Variants in UNC93A observed in about 807,000 individuals in gnomAD.
The protein encoded by UNC93A is N-acetylglucosamine transporter UNC93A.
In UNC93A, 43 loss-of-function variants were observed where a neutral mutation model predicts 47.5. The ratio of observed to expected loss-of-function variants is 0.91; its 90% CI spans 0.71 to 1.17. The LOEUF (loss-of-function observed/expected upper bound fraction) is 1.17, where lower values mean the gene tolerates loss of function less well. Ranked by LOEUF, UNC93A falls within the 50% of genes most tolerant of loss-of-function variation. The pLI is 0.00. For missense variants in UNC93A, 605 were observed against 577.6 expected, an observed-to-expected ratio of 1.05 and a Z score of -0.49; for synonymous variants, 280 against 258.0, an observed-to-expected ratio of 1.09 and a Z score of -0.82.
exon 1 of UNC93A, chr6:167,271,216 G>T (rs998368022): frequency 2.0e-5 from 3 of 151,166 alleles, no homozygotes; most frequent in African/African-American, 7.4e-5. Context: ...CTCAACAGGA[G>T]GCCTGAAGGA....
intron 4 of UNC93A, among the ~76,000 whole-genome samples, chr6:167,302,659 T>G (rs570772866): frequency 6.6e-6 from 1 of 152,298 alleles, no homozygotes; most frequent in Non-Finnish European, 1.5e-5. Flanking sequence ...GATGGAGATT[T>G]AGTCATATTT....
intron 4 of UNC93A, among the ~76,000 whole-genome samples, chr6:167,302,651 T>C (rs551776062): frequency 2.0e-5 from 3 of 152,286 alleles, no homozygotes; most frequent in African/African-American, 4.8e-5. Flanking sequence ...GGTGGGCAGA[T>C]GGAGATTTAG....
intron 1 of UNC93A, among the ~76,000 whole-genome samples, chr6:167,278,788 G>C (rs1267906289): frequency 1.3e-5 from 2 of 152,168 alleles, no homozygotes; most frequent in African/African-American, 4.8e-5. Context: ...GGGTGGCACT[G>C]TGTGGAAGCC....
At position 167,294,488 on chromosome 6, in the gene UNC93A, C is replaced by T. The variant is rs758076863; in HGVS notation, c.88-29C>T. ...CTCATCCCGCTGTGTCCATCCTGTG[C>T]TCTGACAGGGCTGGCTTTGTTCCCA... On this transcript the variant is annotated intron_variant, in intron 1 of 7. Transcript: ENST00000230256. 4 of 1,612,524 alleles carry T rather than the reference C, an allele frequency of 2.5e-6. No homozygotes were observed. The South Asian group carries it at 4.4e-5, about 18-fold the overall frequency.
At chr6:167,286,928 A>C (rs1028015849), upstream of UNC93A, among the ~76,000 whole-genome samples, 1 of 148,258 alleles carries the variant, frequency 6.7e-6, no homozygotes, top group Non-Finnish European at 1.5e-5. Flanking sequence ...CAGTGAGCCA[A>C]GATCGCGCCA....
intron 1 of UNC93A, 145 bp downstream of exon 1, chr6:167,291,721 C>G: frequency 1.4e-6 from 1 of 730,658 alleles, no homozygotes; most frequent in Non-Finnish European, 2.2e-6. Flanking sequence ...CTAAAACAAA[C>G]AGTGGTTCTC....
intron 1 of UNC93A, among the ~76,000 whole-genome samples, chr6:167,275,040 A>G (rs558813716): frequency 4.3e-4 from 65 of 152,264 alleles, no homozygotes; most frequent in African/African-American, 1.5e-3. Flanking sequence ...TGCTTTTCCA[A>G]TGGCAGCAAC....
chr6:167,305,619 G>A (rs1306289873), intron 5 of UNC93A, among the ~76,000 whole-genome samples: 3 of 152,120 alleles, frequency 2.0e-5, no homozygotes, highest in Non-Finnish European at 4.4e-5. Flanking sequence ...AGGGCAGGGT[G>A]TATTGGCTTC....
In UNC93A at chr6:167,305,988, T is replaced by C. The variant is rs1778378039; in HGVS notation, c.914T>C (p.Leu305Pro). The C allele has an allele frequency of 3.1e-6, 5 of 1,614,210 alleles. No homozygotes were observed. The highest frequency in any genetic ancestry group is 1.3e-5 in the African/African-American group (1 of 75,030). The change falls in exon 6 of 8, where the codon CTG (leucine) becomes CCG (proline). Residue 305 changes from leucine (L) to proline (P), a missense_variant. Physicochemically the swap from Leu to Pro is moderately conservative, Grantham distance 98. Transcript: ENST00000230256. Reference protein sequence around the residue: ...VMICFSATDALCSVLYGKVSQ... With the variant: ...VMICFSATDAPCSVLYGKVSQ... Reference sequence around the variant, plus strand: ...ATCTGCTTCTCGGCCACTGACGCGCTGTGCTCCGTGTTGTATGGAAAGGTC... The same window carrying C: ...ATCTGCTTCTCGGCCACTGACGCGCCGTGCTCCGTGTTGTATGGAAAGGTC...
intron 1 of UNC93A, among the ~76,000 whole-genome samples, chr6:167,273,583 C>T (rs919143026): frequency 2.6e-5 from 4 of 152,196 alleles, no homozygotes; most frequent in African/African-American, 4.8e-5. Flanking sequence ...CTGAGCCAAA[C>T]GTGAGTGACC....
intron 1 of UNC93A, 116 bp downstream of exon 1, chr6:167,291,692 T>C (rs1783844969): frequency 5.2e-6 from 5 of 967,926 alleles, no homozygotes; most frequent in Non-Finnish European, 7.7e-6. Context: ...TGTTTCTTTT[T>C]CACTCTGTAC....
chr6:167,315,379 A>G lies in UNC93A; in HGVS notation c.1301A>G (p.Lys434Arg). ...AYGLVECVES[K>R]NPIRPHAPGQ... is the part of the protein sequence containing the mutation. ...GGGCTTGTGGAGTGCGTGGAGTCCA[A>G]GAACCCGATCAGACCCCACGCTCCA... Residue 434 changes from lysine (K) to arginine (R), a missense_variant, in exon 8 of 8, where the codon AAG (lysine) becomes AGG (arginine). Lys to Arg is a conservative substitution (Grantham distance 26). Coordinates refer to ENST00000230256, the MANE Select transcript of UNC93A (RefSeq NM_018974.4). 1 of 1,613,958 alleles carries G rather than the reference A, an allele frequency of 6.2e-7. No individual in the cohort carries two copies. The highest frequency in any genetic ancestry group is 8.5e-7 in the Non-Finnish European group (1 of 1,179,878).
upstream of UNC93A, among the ~76,000 whole-genome samples, chr6:167,270,047 G>GGGGTGA (rs1783425182): frequency 1.1e-5 from 1 of 88,640 alleles, no homozygotes. Flanking sequence ...GAGGCTGCAC[G>GGGGTGA]GGGTGGGGGT....
At chr6:167,286,518 C>A (rs905197265), upstream of UNC93A, among the ~76,000 whole-genome samples, 12 of 152,198 alleles carry the variant, frequency 7.9e-5, no homozygotes, top group Admixed American at 5.9e-4. Context: ...GTCACGTCAC[C>A]CAGGATGGCA....
At chr6:167,300,498 G>A (rs1395541591) in intron 4 of UNC93A, among the ~76,000 whole-genome samples, 1 of 152,148 alleles carries the variant, frequency 6.6e-6, no homozygotes, top group Non-Finnish European at 1.5e-5. Context: ...CTTAGCCAGT[G>A]AGAGGCTGTT....
At chr6:167,283,335 T>C (rs1192871351) in intron 1 of UNC93A, among the ~76,000 whole-genome samples, 2 of 152,210 alleles carry the variant, frequency 1.3e-5, no homozygotes, top group African/African-American at 4.8e-5. Flanking sequence ...TTAAGATCTC[T>C]GTTTTCATGT....
intron 1 of UNC93A, among the ~76,000 whole-genome samples, chr6:167,278,454 G>A (rs1298978450): frequency 1.3e-5 from 2 of 152,188 alleles, no homozygotes; most frequent in Non-Finnish European, 2.9e-5. Context: ...GGCCAAAATG[G>A]CGCTGCTGGG....
chr6:167,276,059 C>CTTTTTTTTTTTTTTTTTTTT (rs112367150), intron 1 of UNC93A, among the ~76,000 whole-genome samples: 1 of 132,346 alleles, frequency 7.6e-6, no homozygotes, highest in African/African-American at 3.1e-5. Flanking sequence ...TTTTTCTTTT[C>CTTTTTTTTTTTTTTTTTTTT]TTTTCTTTTT....
intron 6 of UNC93A, 92 bp downstream of exon 6, chr6:167,306,142 C>A (rs1778385117): frequency 3.9e-6 from 6 of 1,552,582 alleles, no homozygotes; most frequent in Non-Finnish European, 5.3e-6. Context: ...TGGAAAAGTG[C>A]CCCTGAAACT....
Sources: gnomAD v4.1 joint callset for allele counts (sites outside exome capture counted in the v4.1 genomes callset) on GRCh38, gnomAD v4.1.1 for gene constraint, MANE v1.5 for transcripts, NCBI Gene and HGNC (gene_info 2026-07-23, HGNC 2026-07-21) for gene names.